The following DNAH5 variants were observed in gnomAD, a reference collection of about 807,000 sequenced individuals.
The protein encoded by DNAH5 is axonemal beta dynein heavy chain 5.
DNAH5 carries 372 observed loss-of-function variants against 518.2 expected under a neutral mutation model. That is an observed-to-expected ratio of 0.72 (90% CI 0.66 to 0.78). The LOEUF (loss-of-function observed/expected upper bound fraction) is 0.78. Among genes scored for constraint, DNAH5 ranks in the 30% least tolerant of loss-of-function variants. The pLI is 0.00. For synonymous variants in DNAH5, 2,039 were observed against 2,025.9 expected (o/e 1.01, Z -0.17); for missense variants, 5,523 against 5,687.0 (o/e 0.97, Z 0.93).
intron 1 of DNAH5, among the ~76,000 whole-genome samples, chr5:13,936,373 T>G (rs975198667): frequency 1.3e-5 from 2 of 152,100 alleles, no homozygotes; most frequent in Non-Finnish European, 2.9e-5. Context: ...CCCAAAAAGC[T>G]CAGTGACTGT....
chr5:13,870,003 T>A (rs947825069), intron 24 of DNAH5, among the ~76,000 whole-genome samples: 6 of 152,066 alleles, frequency 3.9e-5, no homozygotes, highest in Non-Finnish European at 5.9e-5. Context: ...TGTATGTTGA[T>A]AATATTATAA....
At chr5:13,892,642 A>C (rs1773420525) in intron 16 of DNAH5, among the ~76,000 whole-genome samples, 1 of 152,202 alleles carries the variant, frequency 6.6e-6, no homozygotes, top group Admixed American at 6.5e-5. Flanking sequence ...ATCTAATAAA[A>C]CATCCAAATT....
chr5:13,726,971 C>T (rs1202458633), intron 70 of DNAH5, among the ~76,000 whole-genome samples: 1 of 152,166 alleles, frequency 6.6e-6, no homozygotes, highest in Non-Finnish European at 1.5e-5. Context: ...ACAGATGAAT[C>T]ATCTGGAGGC....
chr5:14,006,771 T>C (rs1372137182), intron 1 of DNAH5, among the ~76,000 whole-genome samples: 1 of 152,204 alleles, frequency 6.6e-6, no homozygotes, highest in African/African-American at 2.4e-5. Flanking sequence ...CTGATGTCCT[T>C]TTACTAAATT....
intron 55 of DNAH5, among the ~76,000 whole-genome samples, chr5:13,773,630 G>A (rs916791079): frequency 1.3e-5 from 2 of 152,154 alleles, no homozygotes; most frequent in Non-Finnish European, 2.9e-5. Flanking sequence ...GACCTCATGG[G>A]AGTTTTTAGT....
chr5:13,699,587 G>A (rs908588087), intron 78 of DNAH5, among the ~76,000 whole-genome samples: 6 of 152,110 alleles, frequency 3.9e-5, no homozygotes, highest in Admixed American at 3.3e-4. Context: ...GGTGGTGCAC[G>A]CCTGTAATCC....
chr5:13,720,274 C>T (rs764027010), intron 71 of DNAH5, among the ~76,000 whole-genome samples: 1 of 152,184 alleles, frequency 6.6e-6, no homozygotes, highest in South Asian at 2.1e-4. Context: ...CAACTGACAC[C>T]GTCCACAATT....
chr5:13,839,764 A>G (rs935520859), intron 34 of DNAH5, among the ~76,000 whole-genome samples: 1 of 152,232 alleles, frequency 6.6e-6, no homozygotes, highest in African/African-American at 2.4e-5. Flanking sequence ...ATGCCTCTCC[A>G]ATTTAAGTGC....
intron 76 of DNAH5, among the ~76,000 whole-genome samples, chr5:13,706,855 T>C (rs1022671165): frequency 1.3e-5 from 2 of 152,374 alleles, no homozygotes; most frequent in African/African-American, 2.4e-5. Context: ...TTTACAGATA[T>C]AGTGATACCA....
chr5:13,814,564 G>A, intron 43 of DNAH5, 41 bp downstream of exon 43: 1 of 1,600,570 alleles, frequency 6.2e-7, no homozygotes, highest in African/African-American at 1.3e-5. Flanking sequence ...TAAAGGATCT[G>A]TTTTCCTTTT....
At chr5:13,939,749 T>C (rs567026598) in intron 1 of DNAH5, among the ~76,000 whole-genome samples, 1 of 152,272 alleles carries the variant, frequency 6.6e-6, no homozygotes, top group African/African-American at 2.4e-5. Context: ...TCCCCTTTCG[T>C]TTCATTTATC....
rs181265200 is a variant in DNAH5, at chr5:13,698,003, G to A, written c.13723+2637C>T. On this transcript the variant is annotated intron_variant, in intron 78 of 78. Coordinates refer to ENST00000265104, the MANE Select transcript of DNAH5 (RefSeq NM_001369.3). ...GATAAAAGGTGATTGGGTCAAAAGG[G>A]TGAATCCCTTATGAATGAATTAATG... Among the ~76,000 whole-genome samples the A allele has an allele frequency of 5.3e-3, 812 of 152,304 alleles. 5 individuals are homozygous for A. Among genetic ancestry groups the A allele is most frequent in the Non-Finnish European group, 6.4e-3 (432 of 68,020 alleles).
chr5:13,906,289 C>T (rs769085148), intron 12 of DNAH5, among the ~76,000 whole-genome samples: 4 of 151,836 alleles, frequency 2.6e-5, no homozygotes, highest in African/African-American at 9.7e-5. Flanking sequence ...TTAGGCTCAT[C>T]GATTGTAACA....
chr5:13,805,022 C>T (rs1418075066), intron 47 of DNAH5, among the ~76,000 whole-genome samples: 1 of 152,148 alleles, frequency 6.6e-6, no homozygotes, highest in Non-Finnish European at 1.5e-5. Context: ...GCCTTTGTTC[C>T]TGGCTCCTGG....
At chr5:13,878,539 T>A (rs1348011764) in intron 21 of DNAH5, among the ~76,000 whole-genome samples, 7 of 152,162 alleles carry the variant, frequency 4.6e-5, no homozygotes, top group African/African-American at 7.2e-5. Context: ...GAGCACTTCA[T>A]GAGTGTTCCC....
At chr5:13,854,326 C>A (rs1389359611) in intron 30 of DNAH5, among the ~76,000 whole-genome samples, 1 of 152,160 alleles carries the variant, frequency 6.6e-6, no homozygotes, top group African/African-American at 2.4e-5. Flanking sequence ...TGATGAGGGA[C>A]TTTGTCAGCA....
intron 78 of DNAH5, among the ~76,000 whole-genome samples, 188 bp downstream of exon 78, chr5:13,700,452 C>T (rs1421755907): frequency 1.3e-5 from 2 of 152,070 alleles, no homozygotes; most frequent in Admixed American, 1.3e-4. Context: ...GAACTATTGC[C>T]TCCTCAATAT....
chr5:13,867,035 GTTAT>G (rs1179565941), intron 25 of DNAH5, among the ~76,000 whole-genome samples: 3 of 152,154 alleles, frequency 2.0e-5, no homozygotes, highest in Non-Finnish European at 4.4e-5. Flanking sequence ...TGAGCTCTGT[GTTAT>G]TTGTGTAACC....
At chr5:13,877,171 CCAGTAGCCTAG>C (rs1771015048) in intron 21 of DNAH5, among the ~76,000 whole-genome samples, 1 of 152,134 alleles carries the variant, frequency 6.6e-6, no homozygotes, top group African/African-American at 2.4e-5. Context: ...AAAAAACCTA[CCAGTAGCCTAG>C]CAGTCCCTGG....
Sources: gnomAD v4.1 joint callset for allele counts (sites outside exome capture counted in the v4.1 genomes callset) on GRCh38, gnomAD v4.1.1 for gene constraint, MANE v1.5 for transcripts, NCBI Gene and HGNC (gene_info 2026-07-23, HGNC 2026-07-21) for gene names.